Variants in NCKAP5 observed in about 807,000 individuals in gnomAD.
The protein encoded by NCKAP5 is NCK associated protein 5.
NCKAP5 carries 92 observed loss-of-function variants against 167.0 expected under a neutral mutation model. That is an observed-to-expected ratio of 0.55 (90% CI 0.47 to 0.66). The LOEUF (loss-of-function observed/expected upper bound fraction) is 0.66, where lower values mean the gene tolerates loss of function less well. Among genes scored for constraint, NCKAP5 ranks in the 30% least tolerant of loss-of-function variants. The pLI is 0.00. For synonymous variants in NCKAP5, 891 were observed against 877.4 expected (o/e 1.02, Z -0.27); for missense variants, 2,378 against 2,315.0 (o/e 1.03, Z -0.56).
At chr2:132,968,431 T>C (rs2076732025) in intron 7 of NCKAP5, among the ~76,000 whole-genome samples, 1 of 152,196 alleles carries the variant, frequency 6.6e-6, no homozygotes, top group Admixed American at 6.5e-5. Context: ...ATGCCCTGAA[T>C]TCAGTGCTTA....
chr2:132,687,160 C>T (rs926736191), intron 19 of NCKAP5, among the ~76,000 whole-genome samples: 4 of 152,238 alleles, frequency 2.6e-5, no homozygotes, highest in African/African-American at 9.6e-5. Context: ...CCCTTAAAGA[C>T]GATGAGAGAT....
chr2:132,843,594 T>C lies in NCKAP5; in HGVS notation c.807+16898A>G, dbSNP rs575162003. On this transcript the variant is annotated intron_variant, in intron 11 of 19. Transcript: ENST00000409261. ...TTTTTTGTCACTGTAAGTTTTTCTT[T>C]TTTTTTAATAAAAAAACTCCTATTC... Among the ~76,000 whole-genome samples the C allele has an allele frequency of 9.3e-4, 141 of 152,058 alleles. 1 individual carries two copies. The highest frequency in any genetic ancestry group is 3.3e-3 in the African/African-American group (136 of 41,536).
At chr2:133,446,604 G>A (rs1199360497) in intron 3 of NCKAP5, among the ~76,000 whole-genome samples, 1 of 152,172 alleles carries the variant, frequency 6.6e-6, no homozygotes, top group African/African-American at 2.4e-5. Flanking sequence ...TCGTGTGTAT[G>A]AGCACCATGC....
In NCKAP5 at chr2:132,774,695, C is replaced by T. The variant is rs1299194762; in HGVS notation, c.5050-801G>A. On this transcript the variant is annotated intron_variant, in intron 15 of 19. Coordinates refer to ENST00000409261, the MANE Select transcript of NCKAP5 (RefSeq NM_207363.3). ...AGCCCAGGCCCCCTACTTCCCAATC[C>T]AGTAGCAGGAGAAGTAATAGCATCA... is the stretch of plus-strand genomic sequence containing the variant. Among the ~76,000 whole-genome samples the T allele has an allele frequency of 2.6e-5, 4 of 152,164 alleles. No individual in the cohort carries two copies. The East Asian group carries it at 7.7e-4, about 29-fold the overall frequency.
chr2:133,526,237 G>GA (rs1684893309), intron 2 of NCKAP5, among the ~76,000 whole-genome samples: 3 of 46,748 alleles, frequency 6.4e-5, no homozygotes, highest in Admixed American at 2.8e-4. Context: ...GAAAGGAAAG[G>GA]AGGGAGGGAA....
At chr2:133,318,683 G>A (rs754702587) in intron 3 of NCKAP5, among the ~76,000 whole-genome samples, 5 of 152,084 alleles carry the variant, frequency 3.3e-5, no homozygotes, top group African/African-American at 4.8e-5. Flanking sequence ...TGGGACATAC[G>A]GCAACTTTTA....
Position 132,785,181 on chromosome 2 carries a change from AGCT to A in NCKAP5, c.1627_1629del (p.Ser543del). 1 of 1,586,146 alleles carries A rather than the reference AGCT, an allele frequency of 6.3e-7. No individual in the cohort carries two copies. On this transcript the variant is annotated inframe_deletion, in exon 14 of 20. Transcript: ENST00000409261. ...GGGCACAGCTTCATCTCTAAGGGAC[AGCT>A]GCTGGCGCAACTTGTCAGCTTTTCA...
chr2:132,948,703 G>A (rs1304449789), intron 8 of NCKAP5, among the ~76,000 whole-genome samples: 1 of 152,060 alleles, frequency 6.6e-6, no homozygotes, highest in Non-Finnish European at 1.5e-5. Flanking sequence ...AGGAAATCTT[G>A]GCCAATGGGA....
chr2:133,517,467 G>T lies in NCKAP5; in HGVS notation c.60C>A (p.Ser20Arg). The T allele has an allele frequency of 6.6e-7, 1 of 1,512,730 alleles. No individual in the cohort carries two copies. 93.7% of individuals were successfully genotyped at this position (1,512,730 alleles called of 1,614,324 possible). Reference protein sequence around the residue: ...RDFGKRLSLDSSLVEYMDSNK... With the variant: ...RDFGKRLSLDRSLVEYMDSNK... Reference sequence around the variant, plus strand: ...AATATTTAGTACTTACCACAAGACTGCTGTCTAGAGACAGCCTTTTTCCAA... The same window carrying T: ...AATATTTAGTACTTACCACAAGACTTCTGTCTAGAGACAGCCTTTTTCCAA... Residue 20 changes from serine to arginine, a missense_variant, in exon 3 of 20, where the codon AGC becomes AGA. Transcript: ENST00000409261.
the NCKAP5 span, among the ~76,000 whole-genome samples, chr2:133,626,035 C>G: frequency 6.6e-6 from 1 of 152,042 alleles, no homozygotes; most frequent in East Asian, 1.9e-4. Flanking sequence ...TAAACAAAAG[C>G]AAAGAATCAA....
intron 19 of NCKAP5, among the ~76,000 whole-genome samples, chr2:132,720,814 G>A (rs1388269634): frequency 6.6e-6 from 1 of 152,028 alleles, no homozygotes; most frequent in African/African-American, 2.4e-5. Flanking sequence ...TTCGAGACCA[G>A]CCTGGCCAAC....
rs1248697051 is a variant in NCKAP5 at position 133,491,801 on chromosome 2, G to A, written c.69+25657C>T. Among the ~76,000 whole-genome samples the A allele has an allele frequency of 2.6e-5, 4 of 152,328 alleles. No homozygotes were observed. In the East Asian group the frequency reaches 7.7e-4, roughly 29 times the overall value. The stretch of plus-strand genomic sequence containing the variant: ...GCTGAGATGGAGGCAAGAGACAGTA[G>A]TCACTTCCCGCAGAGACCGTTAGGT... On this transcript the variant is annotated intron_variant, in intron 3 of 19. Coordinates refer to ENST00000409261, the MANE Select transcript of NCKAP5 (RefSeq NM_207363.3).
intron 4 of NCKAP5, among the ~76,000 whole-genome samples, chr2:133,230,422 G>A (rs2087090416): frequency 6.6e-6 from 1 of 152,168 alleles, no homozygotes; most frequent in African/African-American, 2.4e-5. Context: ...AAGTATGAGT[G>A]AGCCAGATAC....
intron 16 of NCKAP5, among the ~76,000 whole-genome samples, chr2:132,746,617 C>A (rs1679668154): frequency 6.6e-6 from 1 of 152,042 alleles, no homozygotes; most frequent in Non-Finnish European, 1.5e-5. Context: ...CATCATGCAA[C>A]ACAGCTATAA....
At chr2:133,032,140 A>C (rs2078899958) in intron 6 of NCKAP5, among the ~76,000 whole-genome samples, 1 of 152,134 alleles carries the variant, frequency 6.6e-6, no homozygotes, top group South Asian at 2.1e-4. Flanking sequence ...GCACAGCCAC[A>C]GGGGAGAAAA....
chr2:133,518,193 T>C (rs922561508), intron 2 of NCKAP5, among the ~76,000 whole-genome samples: 1 of 152,110 alleles, frequency 6.6e-6, no homozygotes, highest in Admixed American at 6.6e-5. Flanking sequence ...ATATTAGATA[T>C]AGTTCATCCC....
chr2:133,191,532 T>G (rs2085219584), intron 5 of NCKAP5, among the ~76,000 whole-genome samples: 1 of 152,148 alleles, frequency 6.6e-6, no homozygotes, highest in Non-Finnish European at 1.5e-5. Flanking sequence ...TGTCCATGAA[T>G]GATAGACTGG....
At chr2:133,465,237 C>G (rs1388774296) in intron 3 of NCKAP5, among the ~76,000 whole-genome samples, 5 of 147,950 alleles carry the variant, frequency 3.4e-5, no homozygotes, top group Admixed American at 6.9e-5. Flanking sequence ...CAATTCCCAC[C>G]TATGAGTGAG....
intron 5 of NCKAP5, 58 bp downstream of exon 5, chr2:133,213,658 C>T (rs1265716902): frequency 6.4e-7 from 1 of 1,567,482 alleles, no homozygotes; most frequent in Non-Finnish European, 8.8e-7. Context: ...GGCAAAGTAG[C>T]TTTCAAGCCA....
Sources: allele counts gnomAD v4.1 joint callset (sites outside exome capture counted in the v4.1 genomes callset), GRCh38; gene constraint gnomAD v4.1.1; transcripts MANE v1.5; gene names NCBI Gene and HGNC (gene_info 2026-07-23, HGNC 2026-07-21).